Variants in LAMA2 observed in about 807,000 individuals in gnomAD.
LAMA2 encodes laminin subunit alpha 2.
LAMA2 carries 269 observed loss-of-function variants against 364.8 expected under a neutral mutation model. The ratio of observed to expected loss-of-function variants is 0.74; its 90% CI spans 0.67 to 0.82. The LOEUF (loss-of-function observed/expected upper bound fraction) is 0.82. Ranked by LOEUF, LAMA2 falls within the 40% of genes least tolerant of loss-of-function variation. LAMA2 has a pLI of 0.00. For missense variants in LAMA2, 3,807 were observed against 3,873.2 expected, an observed-to-expected ratio of 0.98 and a Z score of 0.45; for synonymous variants, 1,379 against 1,370.6, an observed-to-expected ratio of 1.01 and a Z score of -0.14.
At chr6:129,153,001 C>T (rs543639852) in intron 7 of LAMA2, among the ~76,000 whole-genome samples, 5 of 152,168 alleles carry the variant, frequency 3.3e-5, no homozygotes, top group South Asian at 2.1e-4. Flanking sequence ...CACACACACA[C>T]GTGGAAATAA....
chr6:129,196,229 T>C (rs1439663991), intron 12 of LAMA2, among the ~76,000 whole-genome samples: 1 of 152,204 alleles, frequency 6.6e-6, no homozygotes, highest in African/African-American at 2.4e-5. Flanking sequence ...TAATAGCATC[T>C]GGCTTCTAAA....
intron 1 of LAMA2, among the ~76,000 whole-genome samples, chr6:129,045,032 G>A (rs774395442): frequency 2.6e-5 from 4 of 152,094 alleles, no homozygotes; most frequent in Non-Finnish European, 5.9e-5. Flanking sequence ...TTCAATAAAA[G>A]CTCAGATATT....
intron 4 of LAMA2, among the ~76,000 whole-genome samples, chr6:129,141,186 G>A (rs1778104118): frequency 6.6e-6 from 1 of 151,992 alleles, no homozygotes; most frequent in Non-Finnish European, 1.5e-5. Context: ...TGGCACTGGT[G>A]ACTTTTTTAG....
chr6:129,110,962 T>A (rs1184908278), intron 4 of LAMA2, among the ~76,000 whole-genome samples: 2 of 152,028 alleles, frequency 1.3e-5, no homozygotes, highest in Non-Finnish European at 2.9e-5. Flanking sequence ...ATGGCAAAAG[T>A]ACACTTGAAA....
chr6:129,424,056 G>A (rs1781207777), intron 40 of LAMA2, among the ~76,000 whole-genome samples: 2 of 151,960 alleles, frequency 1.3e-5, no homozygotes, highest in Admixed American at 1.3e-4. Context: ...ATAGATTAAA[G>A]AGTCCAGATA....
intron 12 of LAMA2, among the ~76,000 whole-genome samples, chr6:129,219,813 T>C (rs866140780): frequency 1.1e-5 from 1 of 92,390 alleles, no homozygotes; most frequent in East Asian, 3.6e-4. Context: ...AACATCACAC[T>C]CTGGGGACTG....
intron 1 of LAMA2, among the ~76,000 whole-genome samples, chr6:129,023,009 C>T (rs558000514): frequency 6.6e-6 from 1 of 152,186 alleles, no homozygotes; most frequent in South Asian, 2.1e-4. Context: ...ATATGTCACC[C>T]TATTAGTTTT....
chr6:129,386,192 A>T (rs926567687), intron 35 of LAMA2, among the ~76,000 whole-genome samples: 1 of 152,136 alleles, frequency 6.6e-6, no homozygotes, highest in Non-Finnish European at 1.5e-5. Context: ...GTAAATTCCA[A>T]AGATACATCT....
chr6:129,248,690 CTAAA>C (rs1785947639), intron 12 of LAMA2, among the ~76,000 whole-genome samples: 1 of 152,128 alleles, frequency 6.6e-6, no homozygotes, highest in Non-Finnish European at 1.5e-5. Context: ...TTAGAAAATT[CTAAA>C]TAGTTCAGTC....
intron 12 of LAMA2, among the ~76,000 whole-genome samples, chr6:129,207,252 C>T (rs889091924): frequency 2.0e-5 from 3 of 152,146 alleles, no homozygotes; most frequent in Non-Finnish European, 4.4e-5. Flanking sequence ...GAGAACCCCT[C>T]CCTGGCTGTA....
intron 1 of LAMA2, among the ~76,000 whole-genome samples, chr6:128,926,084 T>C (rs1456942206): frequency 6.6e-6 from 1 of 152,212 alleles, no homozygotes; most frequent in Non-Finnish European, 1.5e-5. Flanking sequence ...ATATTACTTC[T>C]AACATTTCCA....
intron 41 of LAMA2, among the ~76,000 whole-genome samples, chr6:129,428,952 C>T (rs1166356889): frequency 6.6e-6 from 1 of 152,146 alleles, no homozygotes; most frequent in African/African-American, 2.4e-5. Context: ...CATTCCCTAC[C>T]ATTTTCTGTC....
In LAMA2 at chr6:129,460,212, G is replaced by C. The variant is rs897739893; in HGVS notation, c.6880G>C (p.Val2294Leu). The change falls in exon 49 of 65, where the codon GTA (valine) becomes CTA (leucine). Residue 2294 changes from valine to leucine, a missense_variant. By Grantham distance (32) the Val-to-Leu change is conservative (BLOSUM62 1). Around this residue, in one of 3 missense-constraint regions of LAMA2, gnomAD observed 3,333 missense variants for 3,345.7 expected, o/e 1.00. Coordinates refer to ENST00000421865, the MANE Select transcript of LAMA2 (RefSeq NM_000426.4). Reference sequence around the variant, plus strand: ...TTTCTTTCTGCAGAAGGCTGATGCTGTACGTGTGATTACATTCACTGGCTG... The same window carrying C: ...TTTCTTTCTGCAGAAGGCTGATGCTCTACGTGTGATTACATTCACTGGCTG... ...LTGKLKKADAVRVITFTGCMG... is the reference protein window; with the variant it reads ...LTGKLKKADALRVITFTGCMG... 1.9e-6 allele frequency: 3 copies of C among 1,612,018 alleles called. No individual in the cohort carries two copies. Among genetic ancestry groups the C allele is most frequent in the Non-Finnish European group, 2.5e-6 (3 of 1,178,504 alleles).
In LAMA2 at chr6:129,287,944, T is replaced by G; in HGVS notation, c.2635T>G (p.Cys879Gly). 6.2e-7 allele frequency: 1 copy of G among 1,614,130 alleles called. No individual in the cohort carries two copies. Among genetic ancestry groups the G allele is most frequent in the Non-Finnish European group, 8.5e-7 (1 of 1,179,970 alleles). ...CCTTGACTTCTCCATCCCTGGCAGC[T>G]GTGACAGCTTGTCTGGCTCCTGTCT... ...DNLDFSIPGS[C>G]DSLSGSCLIC... The change falls in exon 19 of 65, where the codon TGT becomes GGT. Residue 879 changes from cysteine (C) to glycine (G), a missense_variant. By Grantham distance (159) the Cys-to-Gly change is radical. This residue lies in a region of LAMA2 where 3,333 missense variants were observed against 3,345.7 expected (regional missense o/e 1.00). Transcript: ENST00000421865.
chr6:128,910,896 A>T (rs1421040234), intron 1 of LAMA2, among the ~76,000 whole-genome samples: 1 of 151,454 alleles, frequency 6.6e-6, no homozygotes, highest in East Asian at 1.9e-4. Context: ...GTACCCTGCC[A>T]TGTGAGGTGT....
chr6:129,390,167 CAAGCTCTAGGGTACATCAG>C lies in LAMA2; in HGVS notation c.5072-1316_5072-1298del, dbSNP rs372408184. On this transcript the variant is annotated intron_variant, in intron 35 of 64. Transcript: ENST00000421865. ...TTCTTTCTACTATCCCAGTGTTTCT[CAAGCTCTAGGGTACATCAG>C]AAGCTCTGAGAAGGCTTGTTAAAGC... Among the ~76,000 whole-genome samples, 748 of 152,268 alleles carry C rather than the reference CAAGCTCTAGGGTACATCAG, an allele frequency of 4.9e-3. 8 individuals are homozygous for C. The highest frequency in any genetic ancestry group is 0.017 in the African/African-American group (693 of 41,536).
intron 56 of LAMA2, among the ~76,000 whole-genome samples, chr6:129,487,191 G>C (rs114436296): frequency 9.2e-5 from 14 of 152,328 alleles, no homozygotes; most frequent in African/African-American, 3.1e-4. Context: ...GGAGGAAAAT[G>C]ACTGCTGCCC....
intron 1 of LAMA2, among the ~76,000 whole-genome samples, chr6:128,996,559 A>G (rs1021152776): frequency 3.3e-5 from 5 of 152,256 alleles, no homozygotes; most frequent in African/African-American, 1.2e-4. Flanking sequence ...AGAAATGCAA[A>G]TCAAAACGAC....
At chr6:129,314,050 T>C (rs1774398128) in intron 23 of LAMA2, among the ~76,000 whole-genome samples, 1 of 152,222 alleles carries the variant, frequency 6.6e-6, no homozygotes, top group African/African-American at 2.4e-5. Context: ...GAAATTTTCA[T>C]GAGTCTTTCA....
Sources: allele counts gnomAD v4.1 joint callset (sites outside exome capture counted in the v4.1 genomes callset), GRCh38; gene constraint gnomAD v4.1.1; regional missense constraint gnomAD v4.1.1; transcripts MANE v1.5; gene names NCBI Gene and HGNC (gene_info 2026-07-23, HGNC 2026-07-21).